Variants in AIMP2 observed in about 807,000 individuals in gnomAD.
The protein encoded by AIMP2 is aminoacyl tRNA synthetase complex interacting multifunctional protein 2, also known as aminoacyl tRNA synthase complex-interacting multifunctional protein 2.
In AIMP2, 20 loss-of-function variants were observed where a neutral mutation model predicts 23.4. That is an observed-to-expected ratio of 0.85 (90% confidence interval 0.60 to 1.24). AIMP2 has a LOEUF of 1.24. AIMP2 is among the 50% of genes most tolerant of loss of function. The pLI, the probability that AIMP2 is intolerant of heterozygous loss-of-function variation, is 0.00. For synonymous variants in AIMP2, 210 were observed against 170.4 expected, an observed-to-expected ratio of 1.23 and a Z score of -1.81; for missense variants, 515 against 414.5, an observed-to-expected ratio of 1.24 and a Z score of -2.10.
chr7:6,020,922 C>T (rs191287974), intron 3 of AIMP2, among the ~76,000 whole-genome samples: 2 of 152,280 alleles, frequency 1.3e-5, no homozygotes, highest in Non-Finnish European at 2.9e-5. Flanking sequence ...CTGCTAACAC[C>T]TGAGACTTAA....
At chr7:6,018,234 C>T (rs1446322265) in intron 3 of AIMP2, among the ~76,000 whole-genome samples, 189 bp downstream of exon 3, 1 of 150,208 alleles carries the variant, frequency 6.7e-6, no homozygotes, top group Non-Finnish European at 1.5e-5. Flanking sequence ...GCAACCTCCA[C>T]CTCCTGGGTT....
At position 6,012,589 on chromosome 7, in the gene AIMP2, A is replaced by T. The variant is rs148315304; in HGVS notation, c.136-2557A>T. On this transcript the variant is annotated intron_variant, in intron 1 of 3. Coordinates refer to ENST00000223029, the MANE Select transcript of AIMP2 (RefSeq NM_006303.4). The stretch of plus-strand genomic sequence containing the variant: ...TTTTTTGTTTTTGAGACAGAGTCTC[A>T]CTCTGTCACCCAGTCTGGAGTGCAA... 8.9e-3 allele frequency: 1,882 copies of T among 211,078 alleles called. 15 individuals carry two copies. The highest frequency in any genetic ancestry group is 0.013 in the Middle Eastern group (7 of 522). The allele number at this position is 211,078 out of a possible 1,614,324, so 13.1% of individuals were successfully genotyped here.
chr7:6,013,295 T>C (rs1786813652), intron 1 of AIMP2, among the ~76,000 whole-genome samples: 1 of 137,576 alleles, frequency 7.3e-6, no homozygotes, highest in Admixed American at 8.3e-5. Flanking sequence ...ACAGTCTCAC[T>C]CTGCCGCCTA....
At chr7:6,009,974 A>AAAAAAAAAAAAAAAAAATAT in intron 1 of AIMP2, among the ~76,000 whole-genome samples, 1 of 26,662 alleles carries the variant, frequency 3.8e-5, no homozygotes, top group Non-Finnish European at 6.8e-5. Context: ...AAAAAAAAAA[A>AAAAAAAAAAAAAAAAAATAT]ATATATATAT....
chr7:6,023,109 A>C, intron 3 of AIMP2, 194 bp from the exon 4 acceptor site: 1 of 625,932 alleles, frequency 1.6e-6, no homozygotes, highest in Non-Finnish European at 2.6e-6. Context: ...TTACTTTTTT[A>C]ACATAGTTTG....
intron 3 of AIMP2, chr7:6,023,048 C>CG: frequency 2.4e-5 from 10 of 419,770 alleles, no homozygotes; most frequent in South Asian, 1.3e-4. Flanking sequence ...GGTCTGAGGT[C>CG]CCTTCTAGCT....
At chr7:6,014,049 TC>T (rs1786865845) in intron 1 of AIMP2, among the ~76,000 whole-genome samples, 1 of 152,284 alleles carries the variant, frequency 6.6e-6, no homozygotes, top group South Asian at 2.1e-4. Context: ...CAACCTGTGT[TC>T]CCTTTTCCCT....
intron 3 of AIMP2, among the ~76,000 whole-genome samples, chr7:6,021,857 A>AT (rs929547145): frequency 5.9e-5 from 9 of 152,274 alleles, no homozygotes; most frequent in African/African-American, 2.2e-4. Context: ...GCACACAACT[A>AT]TTTTTAGAGA....
At chr7:6,017,135 CA>C (rs1787074343) in intron 2 of AIMP2, 2 of 152,136 alleles carry the variant, frequency 1.3e-5, no homozygotes, top group African/African-American at 4.8e-5. Flanking sequence ...TTCATGGAAA[CA>C]TCTTAATGAA....
intron 1 of AIMP2, among the ~76,000 whole-genome samples, chr7:6,011,767 G>A (rs1429492942): frequency 6.6e-6 from 1 of 152,184 alleles, no homozygotes; most frequent in Non-Finnish European, 1.5e-5. Flanking sequence ...ACAGTCCCAT[G>A]AAGCCAAAAA....
At chr7:6,010,025 C>A (rs1330050803) in intron 1 of AIMP2, among the ~76,000 whole-genome samples, 1 of 133,066 alleles carries the variant, frequency 7.5e-6, no homozygotes, top group Non-Finnish European at 1.6e-5. Context: ...CGCGGTGGTT[C>A]ACGCCTGGAG....
At position 6,017,964 on chromosome 7, in the gene AIMP2, C is replaced by T. The variant is rs1013331223; in HGVS notation, c.493C>T (p.Leu165Phe). 1.9e-6 allele frequency: 3 copies of T among 1,613,902 alleles called. No individual in the cohort carries two copies. Among genetic ancestry groups the T allele is most frequent in the Non-Finnish European group, 2.5e-6 (3 of 1,180,010 alleles). ...CTCGGTCAAGAGCGTGCCTGAAAACCTTCTCAAGTGCTTTGGAGAACAGAA... is the reference window on the plus strand; with the variant it reads ...CTCGGTCAAGAGCGTGCCTGAAAACTTTCTCAAGTGCTTTGGAGAACAGAA... ...HSSVKSVPEN[L>F]LKCFGEQNKK... Residue 165 changes from leucine to phenylalanine, a missense_variant, in exon 3 of 4, where the codon CTT (leucine) becomes TTT (phenylalanine). Transcript: ENST00000223029.
rs368402122 is a variant in AIMP2 at position 6,018,456 on chromosome 7, G to T, written c.574+411G>T. On this transcript the variant is annotated intron_variant, in intron 3 of 3. Transcript: ENST00000223029. Reference sequence around the variant, plus strand: ...AGCCACCAGGCCCGGGCCTCATGTGGATTTTTTTCAATAACTATCTTGGAA... The same window carrying T: ...AGCCACCAGGCCCGGGCCTCATGTGTATTTTTTTCAATAACTATCTTGGAA... Among the ~76,000 whole-genome samples the T allele has an allele frequency of 2.0e-5, 3 of 151,682 alleles. 1 individual carries two copies. Among genetic ancestry groups the T allele is most frequent in the African/African-American group, 7.2e-5 (3 of 41,416 alleles).
At chr7:6,018,114 G>C (rs1021162053) in intron 3 of AIMP2, 69 bp downstream of exon 3, 5 of 1,168,342 alleles carry the variant, frequency 4.3e-6, no homozygotes, top group Non-Finnish European at 6.1e-6. Context: ...TCACCTGCAT[G>C]AGTCCATTTA....
intron 1 of AIMP2, among the ~76,000 whole-genome samples, chr7:6,010,413 A>G (rs1249730874): frequency 6.7e-6 from 1 of 148,862 alleles, no homozygotes; most frequent in Non-Finnish European, 1.5e-5. Flanking sequence ...TATTTTGTCA[A>G]CTATTTATCC....
At chr7:6,018,528 C>T (rs1001040501) in intron 3 of AIMP2, among the ~76,000 whole-genome samples, 37 of 151,664 alleles carry the variant, frequency 2.4e-4, no homozygotes, top group Admixed American at 2.1e-3. Flanking sequence ...GCAGACAAAC[C>T]GCATAGCCTA....
chr7:6,018,963 A>G (rs1484153333), intron 3 of AIMP2, among the ~76,000 whole-genome samples: 1 of 121,436 alleles, frequency 8.2e-6, no homozygotes, highest in African/African-American at 3.0e-5. Flanking sequence ...AAATGTATCA[A>G]ACCTTACACA....
intron 3 of AIMP2, 173 bp from the exon 4 acceptor site, chr7:6,023,130 C>A (rs982352361): frequency 9.4e-6 from 7 of 745,962 alleles, no homozygotes; most frequent in African/African-American, 1.8e-5. Flanking sequence ...CACTTAAACC[C>A]TTTTCAGTAG....
intron 1 of AIMP2, 139 bp downstream of exon 1, chr7:6,009,637 C>A: frequency 1.4e-6 from 1 of 725,444 alleles, no homozygotes; most frequent in Non-Finnish European, 1.9e-6. Context: ...CAGGGACTCA[C>A]TCAGACTTTT....
Sources: allele counts gnomAD v4.1 joint callset (sites outside exome capture counted in the v4.1 genomes callset), GRCh38; gene constraint gnomAD v4.1.1; transcripts MANE v1.5; gene names NCBI Gene and HGNC (gene_info 2026-07-23, HGNC 2026-07-21).